The following KANSL1 variants were observed in gnomAD, a reference collection of about 807,000 sequenced individuals.
KANSL1 encodes the protein KAT8 regulatory NSL complex subunit 1.
A neutral mutation model predicts 103.6 loss-of-function variants in KANSL1; 22 were observed. The ratio of observed to expected loss-of-function variants is 0.21; its 90% CI spans 0.15 to 0.30. KANSL1 has a LOEUF of 0.30. KANSL1 is among the 10% of genes least tolerant of loss of function. KANSL1 has a pLI of 1.00. For missense variants in KANSL1, 1,337 were observed against 1,399.8 expected (o/e 0.96, Z 0.72); for synonymous variants, 600 against 527.6 (o/e 1.14, Z -1.88).
chr17:46,058,710 AACACACACACAC>A (rs749406954), intron 6 of KANSL1, among the ~76,000 whole-genome samples: 26 of 124,538 alleles, frequency 2.1e-4, no homozygotes, highest in East Asian at 9.3e-4. Context: ...CCAGATTTAA[AACACACACACAC>A]ACACACACAC....
chr17:46,065,385 T>C (rs1404665233), intron 6 of KANSL1, among the ~76,000 whole-genome samples: 2 of 152,176 alleles, frequency 1.3e-5, no homozygotes, highest in Admixed American at 1.3e-4. Flanking sequence ...TTTAGTGTTG[T>C]ATACCCAGTG....
chr17:46,033,645 C>T, intron 11 of KANSL1, 185 bp from the exon 12 acceptor site: 2 of 626,342 alleles, frequency 3.2e-6, no homozygotes, highest in South Asian at 2.0e-5. Context: ...TGGCCACCTA[C>T]TCAAATGCCC....
At chr17:46,064,542 C>CA (rs200787224) in intron 6 of KANSL1, among the ~76,000 whole-genome samples, 2,910 of 152,306 alleles carry the variant, frequency 0.019, 34 homozygotes, top group Middle Eastern at 0.051. Context: ...ATGTCTGCAA[C>CA]AACCCCACCC....
Position 46,031,320 on chromosome 17 carries a change from A to T in KANSL1, c.*156T>A. The T allele has an allele frequency of 1.1e-5, 8 of 753,196 alleles. No homozygotes were observed. In the South Asian group the frequency reaches 1.5e-4, roughly 15 times the overall value. 46.7% of individuals were successfully genotyped at this position (753,196 alleles called of 1,614,324 possible). A position where few individuals can be genotyped will look rare whatever the true frequency, so the allele number is the denominator to read the frequency against. On this transcript the variant is annotated 3_prime_UTR_variant, in exon 15 of 15. Coordinates refer to ENST00000432791, the MANE Select transcript of KANSL1 (RefSeq NM_015443.4). ...GAAACAAAAACAAAACAAAAATTAA[A>T]ACAAGAAAAAAAAATACCAAAGTAG...
intron 6 of KANSL1, among the ~76,000 whole-genome samples, chr17:46,064,823 G>A (rs1203072380): frequency 2.0e-5 from 3 of 151,508 alleles, no homozygotes; most frequent in Non-Finnish European, 4.4e-5. Context: ...GAGCTCTCCA[G>A]CACTCTCTAT....
At chr17:46,099,812 G>A (rs550678338) in intron 2 of KANSL1, among the ~76,000 whole-genome samples, 3 of 152,326 alleles carry the variant, frequency 2.0e-5, no homozygotes, top group African/African-American at 4.8e-5. Flanking sequence ...TTTTCAACTC[G>A]TATTTTGCTC....
intron 10 of KANSL1, 179 bp downstream of exon 10, chr17:46,038,359 G>A (rs1001926286): frequency 3.1e-6 from 2 of 652,274 alleles, no homozygotes; most frequent in African/African-American, 1.8e-5. Context: ...ACAACAGAAG[G>A]TCAAGTACCA....
intron 1 of KANSL1, among the ~76,000 whole-genome samples, chr17:46,208,616 C>CA (rs149187563): frequency 0.13 from 10,008 of 79,848 alleles, 699 homozygotes; most frequent in East Asian, 0.5. Flanking sequence ...GACCCTGTCT[C>CA]AAAAAAAAAA....
intron 3 of KANSL1, among the ~76,000 whole-genome samples, chr17:46,085,079 A>G (rs1257162364): frequency 1.3e-5 from 2 of 152,162 alleles, no homozygotes; most frequent in Non-Finnish European, 2.9e-5. Context: ...TTAAAGATCA[A>G]TTTCCAACTA....
intron 10 of KANSL1, among the ~76,000 whole-genome samples, chr17:46,037,162 A>C (rs1370794703): frequency 6.6e-6 from 1 of 152,224 alleles, no homozygotes; most frequent in East Asian, 1.9e-4. Flanking sequence ...TTCTCCAGAC[A>C]CAGAAATATT....
upstream of KANSL1, among the ~76,000 whole-genome samples, chr17:46,194,272 G>C (rs1192183286): frequency 1.3e-5 from 2 of 152,258 alleles, no homozygotes; most frequent in Non-Finnish European, 2.9e-5. Flanking sequence ...TACACAATGA[G>C]TATTTATGCT....
At chr17:46,152,589 G>A (rs1425482986) in intron 2 of KANSL1, among the ~76,000 whole-genome samples, 1 of 143,212 alleles carries the variant, frequency 7.0e-6, no homozygotes, top group Non-Finnish European at 1.5e-5. Flanking sequence ...CAAAGGGGGG[G>A]GGGGGATTTC....
At chr17:46,139,296 C>CAA (rs370375207) in intron 2 of KANSL1, among the ~76,000 whole-genome samples, 17,327 of 138,802 alleles carry the variant, frequency 0.12, 1,446 homozygotes, top group East Asian at 0.46. Flanking sequence ...TTTCATAGGC[C>CAA]AAAAAAAAAA....
intron 2 of KANSL1, among the ~76,000 whole-genome samples, chr17:46,138,865 T>C (rs2044281685): frequency 6.6e-6 from 1 of 152,216 alleles, no homozygotes; most frequent in South Asian, 2.1e-4. Context: ...GGAGAAGTCA[T>C]GAAGTAACAT....
chr17:46,086,399 T>C (rs2079166112), intron 3 of KANSL1, among the ~76,000 whole-genome samples: 1 of 152,196 alleles, frequency 6.6e-6, no homozygotes, highest in African/African-American at 2.4e-5. Flanking sequence ...GGGGCAAAAG[T>C]CTGCATCTAA....
intron 13 of KANSL1, 168 bp from the exon 14 acceptor site, chr17:46,032,467 G>T: frequency 1.8e-6 from 1 of 542,192 alleles, no homozygotes; most frequent in Non-Finnish European, 3.2e-6. Flanking sequence ...TGGAGGGGTA[G>T]GTATACAACA....
At chr17:46,096,154 C>CTTT (rs2042054667) in intron 2 of KANSL1, among the ~76,000 whole-genome samples, 1 of 107,380 alleles carries the variant, frequency 9.3e-6, no homozygotes. Flanking sequence ...TTTTTTTTTC[C>CTTT]TGAGAGGCAG....
chr17:46,158,580 G>A (rs779181721), intron 2 of KANSL1, among the ~76,000 whole-genome samples: 4 of 151,976 alleles, frequency 2.6e-5, no homozygotes, highest in African/African-American at 4.8e-5. Flanking sequence ...TCGCTCTATC[G>A]CCCAGGCTGG....
chr17:46,114,298 G>A (rs1440142086), intron 2 of KANSL1, among the ~76,000 whole-genome samples: 2 of 152,210 alleles, frequency 1.3e-5, no homozygotes, highest in Non-Finnish European at 2.9e-5. Context: ...GGCGGAGGTT[G>A]CAGTGAGCCA....
Sources: gnomAD v4.1 joint callset for allele counts (sites outside exome capture counted in the v4.1 genomes callset) on GRCh38, gnomAD v4.1.1 for gene constraint, MANE v1.5 for transcripts, NCBI Gene and HGNC (gene_info 2026-07-23, HGNC 2026-07-21) for gene names.